The following PPP2R3A variants were observed in gnomAD, a reference collection of about 807,000 sequenced individuals.
The protein encoded by PPP2R3A is serine/threonine-protein phosphatase 2A regulatory subunit B'' subunit alpha.
PPP2R3A carries 80 observed loss-of-function variants against 106.9 expected under a neutral mutation model. That is an observed-to-expected ratio of 0.75 (90% CI 0.62 to 0.90). The LOEUF is 0.90. Ranked by LOEUF, PPP2R3A falls within the 40% of genes least tolerant of loss-of-function variation. PPP2R3A has a pLI of 0.00. For synonymous variants in PPP2R3A, 483 were observed against 468.3 expected (o/e 1.03, Z -0.41); for missense variants, 1,386 against 1,350.4 (o/e 1.03, Z -0.41).
chr3:136,000,811 T>G (rs1009354907), intron 1 of PPP2R3A, among the ~76,000 whole-genome samples: 1 of 152,100 alleles, frequency 6.6e-6, no homozygotes, highest in Admixed American at 6.5e-5. Context: ...TCATATAAGG[T>G]GGCAAGGAGC....
intron 4 of PPP2R3A, among the ~76,000 whole-genome samples, chr3:136,046,257 A>G (rs531051194): frequency 6.6e-6 from 1 of 152,328 alleles, no homozygotes; most frequent in East Asian, 1.9e-4. Context: ...GTTTGAGACC[A>G]GCCTGGCCAA....
At chr3:135,976,783 A>G (rs1380686030) in intron 1 of PPP2R3A, among the ~76,000 whole-genome samples, 3 of 152,206 alleles carry the variant, frequency 2.0e-5, no homozygotes, top group African/African-American at 7.2e-5. Context: ...AAAGATACAC[A>G]TAAAATCTTA....
At chr3:136,031,187 G>T (rs1486959674) in intron 3 of PPP2R3A, among the ~76,000 whole-genome samples, 1 of 151,982 alleles carries the variant, frequency 6.6e-6, no homozygotes, top group Non-Finnish European at 1.5e-5. Flanking sequence ...TTGTGGTTTT[G>T]CAGGGGTTAA....
chr3:136,138,941 C>A (rs958709496), intron 13 of PPP2R3A, among the ~76,000 whole-genome samples: 14 of 151,852 alleles, frequency 9.2e-5, no homozygotes, highest in Non-Finnish European at 1.5e-4. Context: ...GAACTCCCAA[C>A]CTCAGGTGAT....
rs576243832 is a variant in PPP2R3A, at chr3:136,089,322, T to C, written c.2838-1256T>C. 2.0e-5 allele frequency among the ~76,000 whole-genome samples: 3 copies of C among 152,274 alleles called. No homozygotes were observed. In the South Asian group the frequency reaches 6.2e-4, roughly 32 times the overall value. ...TATAGCTAATCAATTATCCCAGCAC[T>C]GTTTATTGAATAGGGAGTCTTTTTC... On this transcript the variant is annotated intron_variant, in intron 9 of 13. Transcript: ENST00000264977.
intron 13 of PPP2R3A, among the ~76,000 whole-genome samples, chr3:136,123,313 T>G (rs1167880925): frequency 6.6e-6 from 1 of 152,134 alleles, no homozygotes; most frequent in Non-Finnish European, 1.5e-5. Flanking sequence ...TAGCATATGA[T>G]AAAGATAGCA....
intron 13 of PPP2R3A, among the ~76,000 whole-genome samples, chr3:136,114,788 A>G (rs917056241): frequency 6.6e-6 from 1 of 152,196 alleles, no homozygotes; most frequent in Admixed American, 6.5e-5. Flanking sequence ...ACAGTCAGGG[A>G]CTTAGAGATG....
chr3:135,984,264 T>C (rs1425443028), intron 1 of PPP2R3A, among the ~76,000 whole-genome samples: 1 of 152,190 alleles, frequency 6.6e-6, no homozygotes, highest in East Asian at 1.9e-4. Flanking sequence ...ACATAGTATA[T>C]GACAAAAGAG....
intron 4 of PPP2R3A, among the ~76,000 whole-genome samples, chr3:136,047,036 CAAAAAT>C (rs1935493050): frequency 1.3e-5 from 2 of 151,938 alleles, no homozygotes; most frequent in Non-Finnish European, 2.9e-5. Flanking sequence ...TGCAGGCAGA[CAAAAAT>C]AAAAAAGAAT....
rs1025327220 is a variant in PPP2R3A at position 136,034,649 on chromosome 3, T to A, written c.2263-6210T>A. On this transcript the variant is annotated intron_variant, in intron 3 of 13. Coordinates refer to ENST00000264977, the MANE Select transcript of PPP2R3A (RefSeq NM_002718.5). ...GCTCGTTTTGTGGCCTCTTCTATGG[T>A]CTATCTTGGAGAAAGTTCCATGTGC... Among the ~76,000 whole-genome samples the A allele has an allele frequency of 3.9e-5, 6 of 152,314 alleles. No homozygotes were observed. The East Asian group carries it at 1.2e-3, about 29-fold the overall frequency.
intron 5 of PPP2R3A, among the ~76,000 whole-genome samples, chr3:136,059,678 T>C (rs564598840): frequency 1.3e-5 from 2 of 152,312 alleles, no homozygotes; most frequent in Non-Finnish European, 2.9e-5. Context: ...ACATGCCATG[T>C]ATGTTCATTG....
chr3:136,063,565 C>G (rs967651881), intron 5 of PPP2R3A, among the ~76,000 whole-genome samples: 48 of 152,182 alleles, frequency 3.2e-4, no homozygotes, highest in Non-Finnish European at 5.3e-4. Flanking sequence ...TGAACTCCAA[C>G]AAATTTACAA....
chr3:136,004,255 G>T (rs753216506), intron 2 of PPP2R3A, among the ~76,000 whole-genome samples: 2 of 152,264 alleles, frequency 1.3e-5, no homozygotes, highest in East Asian at 3.9e-4. Context: ...ATTTACATAC[G>T]TGTGTCGTAG....
At chr3:136,128,508 G>A (rs1365716308) in intron 13 of PPP2R3A, among the ~76,000 whole-genome samples, 2 of 152,174 alleles carry the variant, frequency 1.3e-5, no homozygotes, top group South Asian at 4.1e-4. Context: ...GGAGCACCCA[G>A]ATTCATAAAG....
chr3:135,984,681 C>G (rs1275947027), intron 1 of PPP2R3A, among the ~76,000 whole-genome samples: 1 of 152,182 alleles, frequency 6.6e-6, no homozygotes, highest in African/African-American at 2.4e-5. Flanking sequence ...CCCCTTCCAC[C>G]ATGATTGTAA....
At chr3:136,010,393 G>A (rs180905216) in intron 2 of PPP2R3A, among the ~76,000 whole-genome samples, 1 of 146,544 alleles carries the variant, frequency 6.8e-6, no homozygotes, top group East Asian at 2.0e-4. Flanking sequence ...TGGGACTACA[G>A]GCGCATGCCA....
At chr3:136,079,209 C>T (rs1936699903) in intron 7 of PPP2R3A, 2 of 454,540 alleles carry the variant, frequency 4.4e-6, no homozygotes, top group Non-Finnish European at 8.9e-6. Flanking sequence ...TTTTTTTATT[C>T]TAAAATGAAC....
At chr3:136,052,288 T>C (rs1935711145) in intron 5 of PPP2R3A, among the ~76,000 whole-genome samples, 1 of 152,128 alleles carries the variant, frequency 6.6e-6, no homozygotes, top group Admixed American at 6.6e-5. Flanking sequence ...GTGGGAAGCA[T>C]TGCCAGTAAA....
At chr3:136,108,103 C>T (rs767780999) in intron 13 of PPP2R3A, among the ~76,000 whole-genome samples, 5 of 152,106 alleles carry the variant, frequency 3.3e-5, no homozygotes, top group Admixed American at 3.3e-4. Context: ...GTCCCAGCTA[C>T]TCAGGAGGCT....
Sources: gnomAD v4.1 joint callset for allele counts (sites outside exome capture counted in the v4.1 genomes callset) on GRCh38, gnomAD v4.1.1 for gene constraint, MANE v1.5 for transcripts, NCBI Gene and HGNC (gene_info 2026-07-23, HGNC 2026-07-21) for gene names.